Variants in BMX observed in about 807,000 individuals in gnomAD.
BMX encodes the protein cytoplasmic tyrosine-protein kinase BMX.
In BMX, 31 loss-of-function variants were observed where a neutral mutation model predicts 59.2. The ratio of observed to expected loss-of-function variants is 0.52; its 90% confidence interval spans 0.39 to 0.71. The LOEUF is 0.71. Among genes scored for constraint, BMX ranks in the 30% least tolerant of loss-of-function variants. The pLI is 0.00. For missense variants in BMX, 474 were observed against 491.7 expected (o/e 0.96, Z 0.34); for synonymous variants, 185 against 181.0 (o/e 1.02, Z -0.18).
intron 4 of BMX, among the ~76,000 whole-genome samples, chrX:15,515,332 T>A (rs1336773070): frequency 2.7e-5 from 3 of 110,191 alleles, no homozygotes; most frequent in Non-Finnish European, 5.7e-5. Context: ...AATTAAAAAA[T>A]TTTAAAAATT....
intron 17 of BMX, among the ~76,000 whole-genome samples, chrX:15,547,505 A>AT (rs1446361802): frequency 8.9e-6 from 1 of 111,969 alleles, no homozygotes; most frequent in African/African-American, 3.3e-5. Context: ...TAAAATTTAT[A>AT]TTTTAGATTG....
rs373085295 is a variant in BMX at position 15,511,405 on chromosome X, T to C, written c.244-32T>C. 7.0e-6 allele frequency: 8 copies of C among 1,136,867 alleles called. No homozygotes were observed. The Admixed American group carries it at 2.0e-4, about 28-fold the overall frequency. The allele number at this position is 1,136,867 out of a possible 1,213,427, so 93.7% of individuals were successfully genotyped here. A position where few individuals can be genotyped will look rare whatever the true frequency, so the allele number is the denominator to read the frequency against. On this transcript the variant is annotated intron_variant, in intron 3 of 18. Transcript: ENST00000348343. ...ACCAAAGTGAAGTATGGTGCAATTA[T>C]ATATAAACACACCAAATATTTTCCT...
chrX:15,508,533 T>C, intron 2 of BMX, 42 bp downstream of exon 2: 1 of 1,053,483 alleles, frequency 9.5e-7, no homozygotes, highest in Non-Finnish European at 1.3e-6. Context: ...CTATTTATTA[T>C]TTTTCCTAAG....
intron 11 of BMX, among the ~76,000 whole-genome samples, chrX:15,532,996 G>C (rs1925153593): frequency 8.9e-6 from 1 of 112,446 alleles, no homozygotes; most frequent in Non-Finnish European, 1.9e-5. Context: ...AAGGTAGCCA[G>C]GTAGATAAAT....
Position 15,543,230 on chromosome X carries a change from TGCTC to T in BMX, c.1676+96_1676+99del, listed in dbSNP as rs1398780644. 2.4e-4 allele frequency: 195 copies of T among 825,746 alleles called. No homozygotes were observed. The East Asian group carries it at 4.6e-3, about 20-fold the overall frequency. The allele number at this position is 825,746 out of a possible 1,213,427, so 68.1% of individuals were successfully genotyped here. On this transcript the variant is annotated intron_variant, in intron 16 of 18. Transcript: ENST00000348343. ...GAAGGCTTTGTGGGGATATAGAAGG[TGCTC>T]TGAATTGGGGGCTTAGAAACCTAAG...
chrX:15,507,347 G>A, intron 1 of BMX: 1 of 755,119 alleles, frequency 1.3e-6, no homozygotes, highest in Non-Finnish European at 1.6e-6. Flanking sequence ...GTAACTTTTT[G>A]CTTAGAGCTT....
At chrX:15,511,380 A>T (rs1923951258) in intron 3 of BMX, 57 bp from the exon 4 acceptor site, 1 of 1,038,233 alleles carries the variant, frequency 9.6e-7, no homozygotes, top group East Asian at 3.1e-5. Flanking sequence ...TTGCAGGTGC[A>T]CCAAAGTGAA....
At chrX:15,553,088 T>C (rs1266829971) in intron 18 of BMX, among the ~76,000 whole-genome samples, 6 of 112,339 alleles carry the variant, frequency 5.3e-5, no homozygotes, top group Non-Finnish European at 9.4e-5. Context: ...TCATGGTGCA[T>C]TGAAAAGAAA....
At chrX:15,500,980 T>C in intron 1 of BMX, 40 bp downstream of exon 1, 1 of 753,292 alleles carries the variant, frequency 1.3e-6, no homozygotes. Flanking sequence ...TGTCGCATAC[T>C]ATGCGGAAAA....
rs779969345 is a variant in BMX at position 15,534,273 on chromosome X, C to T, written c.1081C>T (p.Leu361=). The T allele has an allele frequency of 7.4e-5, 88 of 1,194,491 alleles. No homozygotes were observed. The highest frequency in any genetic ancestry group is 9.5e-5 in the Non-Finnish European group (84 of 885,752). Residue 361 remains leucine, a synonymous_variant, in exon 12 of 19, where the codon CTG becomes TTG. Transcript: ENST00000348343. ...VHTNAENKLY[L]AENYCFDSIP... is the part of the protein sequence containing the mutation. ...TACAAATGCTGAGAACAAATTATACCTGGCAGAAAACTACTGTTTTGATTC... is the reference window on the plus strand; with the variant it reads ...TACAAATGCTGAGAACAAATTATACTTGGCAGAAAACTACTGTTTTGATTC...
intron 16 of BMX, among the ~76,000 whole-genome samples, 187 bp downstream of exon 16, chrX:15,543,322 T>C (rs914433547): frequency 8.9e-6 from 1 of 111,929 alleles, no homozygotes; most frequent in Non-Finnish European, 1.9e-5. Context: ...TTCAACAATC[T>C]GATACTTTCT....
intron 14 of BMX, among the ~76,000 whole-genome samples, chrX:15,541,460 A>G (rs998987704): frequency 1.8e-5 from 2 of 111,396 alleles, no homozygotes; most frequent in Non-Finnish European, 3.8e-5. Context: ...TTGTTATTCA[A>G]AAATAATGAA....
Position 15,549,957 on chromosome X carries a change from C to T in BMX, c.1913C>T (p.Ser638Leu), listed in dbSNP as rs756397275. 24 of 1,207,148 alleles carry T rather than the reference C, an allele frequency of 2.0e-5. No homozygotes were observed. The highest frequency in any genetic ancestry group is 8.9e-5 in the South Asian group (5 of 56,148). Residue 638 changes from serine to leucine, a missense_variant, in exon 18 of 19, where the codon TCG (serine) becomes TTG (leucine). Ser to Leu is a moderately radical substitution (Grantham distance 145, BLOSUM62 -2). Transcript: ENST00000348343. Reference protein sequence around the residue: ...GHRLYRPHLASDTIYQIMYSC... With the variant: ...GHRLYRPHLALDTIYQIMYSC... Reference sequence around the variant, plus strand: ...AGGCTTTACCGGCCCCACCTGGCATCGGACACCATCTACCAGATCATGTAC... The same window carrying T: ...AGGCTTTACCGGCCCCACCTGGCATTGGACACCATCTACCAGATCATGTAC...
At chrX:15,502,826 C>T (rs976677357) in intron 1 of BMX, among the ~76,000 whole-genome samples, 2 of 111,680 alleles carry the variant, frequency 1.8e-5, no homozygotes, top group African/African-American at 3.3e-5. Flanking sequence ...CGAAGATAAG[C>T]GGGCCTGGCA....
intron 17 of BMX, 44 bp downstream of exon 17, chrX:15,546,965 T>G (rs1925978923): frequency 9.3e-7 from 1 of 1,074,672 alleles, no homozygotes; most frequent in Admixed American, 2.3e-5. Context: ...TTCATAAGCT[T>G]ACTTCCACAA....
chrX:15,515,226 G>T (rs1356794398), intron 4 of BMX, among the ~76,000 whole-genome samples: 1 of 109,149 alleles, frequency 9.2e-6, no homozygotes, highest in African/African-American at 3.3e-5. Flanking sequence ...CTAGATGATG[G>T]GTTGATGGGT....
chrX:15,536,227 A>C, intron 12 of BMX, 126 bp from the exon 13 acceptor site: 1 of 621,607 alleles, frequency 1.6e-6, no homozygotes, highest in Non-Finnish European at 2.5e-6. Flanking sequence ...CTCTCTCTGC[A>C]TTACAACATT....
chrX:15,531,101 C>T (rs1363562585), intron 10 of BMX, among the ~76,000 whole-genome samples: 3 of 109,899 alleles, frequency 2.7e-5, no homozygotes, highest in Non-Finnish European at 5.7e-5. Context: ...AGCACAACAC[C>T]GAGAAAAGTA....
At chrX:15,548,038 T>C (rs1158940997) in intron 17 of BMX, among the ~76,000 whole-genome samples, 1 of 111,630 alleles carries the variant, frequency 9.0e-6, no homozygotes. Context: ...AAAAGTGGCA[T>C]TGTTCGTTGT....
Sources: gnomAD v4.1 joint callset for allele counts (sites outside exome capture counted in the v4.1 genomes callset) on GRCh38, gnomAD v4.1.1 for gene constraint, MANE v1.5 for transcripts, NCBI Gene and HGNC (gene_info 2026-07-23, HGNC 2026-07-21) for gene names.